The following SBF2 variants were observed in gnomAD, a reference collection of about 807,000 sequenced individuals.
The protein encoded by SBF2 is SET binding factor 2.
A neutral mutation model predicts 225.2 loss-of-function variants in SBF2; 112 were observed. That is an observed-to-expected ratio of 0.50 (90% CI 0.43 to 0.58). The LOEUF (loss-of-function observed/expected upper bound fraction) is 0.58. Ranked by LOEUF, SBF2 falls within the 20% of genes least tolerant of loss-of-function variation. The pLI is 0.00. For missense variants in SBF2, 1,996 were observed against 2,206.2 expected (o/e 0.90, Z 1.91); for synonymous variants, 763 against 773.3 (o/e 0.99, Z 0.22).
chr11:9,899,287 A>G (rs1861525849), intron 16 of SBF2, among the ~76,000 whole-genome samples: 1 of 150,448 alleles, frequency 6.6e-6, no homozygotes, highest in Non-Finnish European at 1.5e-5. Context: ...TGAGCCCAGG[A>G]GTTTAAGATC....
chr11:10,096,424 T>TTAAAAAA (rs747744995), intron 2 of SBF2, among the ~76,000 whole-genome samples: 7 of 126,082 alleles, frequency 5.6e-5, no homozygotes, highest in Non-Finnish European at 1.0e-4. Context: ...CAAAGTTCTG[T>TTAAAAAA]AAAAAAAAAA....
intron 1 of SBF2, among the ~76,000 whole-genome samples, chr11:10,209,254 C>A (rs542878791): frequency 2.0e-5 from 3 of 152,038 alleles, no homozygotes; most frequent in African/African-American, 7.2e-5. Flanking sequence ...TTTCTTCTTC[C>A]CAAATACAGT....
chr11:9,864,084 C>T (rs1401324335), intron 17 of SBF2, among the ~76,000 whole-genome samples: 1 of 152,080 alleles, frequency 6.6e-6, no homozygotes, highest in Non-Finnish European at 1.5e-5. Context: ...AGAGAATGGC[C>T]TATAAGCAAT....
At chr11:10,059,232 A>T (rs142029577) in intron 2 of SBF2, among the ~76,000 whole-genome samples, 365 of 152,312 alleles carry the variant, frequency 2.4e-3, no homozygotes, top group African/African-American at 7.8e-3. Flanking sequence ...ATAAAGCTGG[A>T]TAAAAACAAG....
chr11:9,933,416 A>T (rs1325203774), intron 16 of SBF2, among the ~76,000 whole-genome samples: 5 of 152,186 alleles, frequency 3.3e-5, no homozygotes, highest in Non-Finnish European at 5.9e-5. Flanking sequence ...GAAGTAAAGC[A>T]TGCCTCAGCA....
intron 2 of SBF2, among the ~76,000 whole-genome samples, chr11:10,131,812 CTT>C (rs1243730010): frequency 6.6e-6 from 1 of 152,128 alleles, no homozygotes; most frequent in African/African-American, 2.4e-5. Context: ...TTATCCTAGT[CTT>C]TTCATTCTCA....
intron 13 of SBF2, among the ~76,000 whole-genome samples, chr11:9,982,004 C>T (rs2134435793): frequency 6.6e-6 from 1 of 152,318 alleles, no homozygotes; most frequent in East Asian, 1.9e-4. Context: ...TCCATTTTTC[C>T]ATATGAATAT....
intron 13 of SBF2, among the ~76,000 whole-genome samples, chr11:9,977,742 A>C (rs1041319128): frequency 6.6e-6 from 1 of 151,996 alleles, no homozygotes; most frequent in Admixed American, 6.6e-5. Context: ...CCTTCCTTCC[A>C]CCTAACCCAT....
At chr11:9,812,892 T>A (rs147156706) in intron 29 of SBF2, 184 bp from the exon 30 acceptor site, 22 of 651,494 alleles carry the variant, frequency 3.4e-5, no homozygotes, top group African/African-American at 3.2e-4. Context: ...AGCCATTCAG[T>A]ACAAGCTAGT....
intron 14 of SBF2, among the ~76,000 whole-genome samples, chr11:9,966,493 C>A (rs1866921617): frequency 6.6e-6 from 1 of 152,130 alleles, no homozygotes; most frequent in Non-Finnish European, 1.5e-5. Context: ...AATTAACCAA[C>A]TTCAAAATAT....
At chr11:10,077,210 G>A (rs1368167332) in intron 2 of SBF2, among the ~76,000 whole-genome samples, 2 of 152,148 alleles carry the variant, frequency 1.3e-5, no homozygotes, top group African/African-American at 2.4e-5. Flanking sequence ...CCAATATCGT[G>A]AAAATGGCCA....
At chr11:9,795,278 G>A (rs1199069683) in intron 33 of SBF2, among the ~76,000 whole-genome samples, 2 of 152,192 alleles carry the variant, frequency 1.3e-5, no homozygotes, top group African/African-American at 4.8e-5. Flanking sequence ...TGGGCTAAGA[G>A]GCTAAGTGAC....
intron 2 of SBF2, among the ~76,000 whole-genome samples, chr11:10,145,485 G>A (rs1954842660): frequency 6.6e-6 from 1 of 152,022 alleles, no homozygotes; most frequent in Non-Finnish European, 1.5e-5. Context: ...CTTGATGGGA[G>A]GGGTATAAAA....
At chr11:9,805,766 G>A (rs1330729652) in intron 32 of SBF2, among the ~76,000 whole-genome samples, 1 of 152,138 alleles carries the variant, frequency 6.6e-6, no homozygotes, top group Non-Finnish European at 1.5e-5. Flanking sequence ...GGGACTACAG[G>A]CGTGCGCCCC....
intron 1 of SBF2, among the ~76,000 whole-genome samples, chr11:10,218,320 A>AAC (rs1958208086): frequency 1.3e-5 from 1 of 76,552 alleles, no homozygotes; most frequent in Non-Finnish European, 2.7e-5. Flanking sequence ...GGAAAGACCC[A>AAC]CCCCCCCCCC....
At chr11:9,817,758 AAAAAAAAAAC>A (rs1854532117) in intron 28 of SBF2, among the ~76,000 whole-genome samples, 2 of 145,846 alleles carry the variant, frequency 1.4e-5, no homozygotes, top group African/African-American at 5.1e-5. Context: ...AAAAAAAAAA[AAAAAAAAAAC>A]TACAAAAAGA....
intron 6 of SBF2, among the ~76,000 whole-genome samples, chr11:10,005,454 T>C (rs1948150243): frequency 1.3e-5 from 2 of 152,296 alleles, no homozygotes; most frequent in Middle Eastern, 3.4e-3. Context: ...GCTCAAACAG[T>C]GCACTTGATC....
intron 29 of SBF2, among the ~76,000 whole-genome samples, chr11:9,814,885 G>GAA (rs1372634609): frequency 6.6e-6 from 1 of 152,124 alleles, no homozygotes; most frequent in Non-Finnish European, 1.5e-5. Flanking sequence ...TAAAGTATGT[G>GAA]AATTTACCTA....
At chr11:9,795,710 T>C (rs532095732) in intron 33 of SBF2, 121 bp downstream of exon 33, 17 of 1,231,640 alleles carry the variant, frequency 1.4e-5, no homozygotes, top group South Asian at 1.1e-4. Flanking sequence ...TCTACATTCA[T>C]AGTTCAGAGT....
Sources: allele counts gnomAD v4.1 joint callset (sites outside exome capture counted in the v4.1 genomes callset), GRCh38; gene constraint gnomAD v4.1.1; transcripts MANE v1.5; gene names NCBI Gene and HGNC (gene_info 2026-07-23, HGNC 2026-07-21).